Variants in NKAIN2 observed in about 807,000 individuals in gnomAD.
The protein encoded by NKAIN2 is sodium/potassium transporting ATPase interacting 2.
Under a neutral mutation model 32.6 loss-of-function variants are expected in NKAIN2, and 14 were observed. The ratio of observed to expected loss-of-function variants is 0.43; its 90% CI spans 0.28 to 0.67. The LOEUF is 0.67. Ranked by LOEUF, NKAIN2 falls within the 30% of genes least tolerant of loss-of-function variation. The pLI is 0.17. For missense variants in NKAIN2, 198 were observed against 258.3 expected (o/e 0.77, Z 1.60); for synonymous variants, 80 against 87.2 (o/e 0.92, Z 0.46).
intron 1 of NKAIN2, among the ~76,000 whole-genome samples, chr6:124,108,595 T>C (rs1785226929): frequency 6.6e-6 from 1 of 152,064 alleles, no homozygotes; most frequent in African/African-American, 2.4e-5. Context: ...TTTGGTGTCA[T>C]ATCCAATAAC....
intron 1 of NKAIN2, among the ~76,000 whole-genome samples, chr6:124,050,416 C>T (rs1439999937): frequency 6.6e-6 from 1 of 151,990 alleles, no homozygotes; most frequent in Admixed American, 6.6e-5. Flanking sequence ...TCACATCCTT[C>T]AGTTGTATAA....
chr6:124,187,594 A>G (rs553280177), intron 1 of NKAIN2, among the ~76,000 whole-genome samples: 2 of 152,252 alleles, frequency 1.3e-5, no homozygotes, highest in African/African-American at 4.8e-5. Flanking sequence ...TTTTAACACC[A>G]TTCTCAACTG....
At chr6:124,284,053 A>C (rs545445669) in intron 2 of NKAIN2, among the ~76,000 whole-genome samples, 1 of 54,216 alleles carries the variant, frequency 1.8e-5, no homozygotes, top group Non-Finnish European at 3.2e-5. Flanking sequence ...ACCCAGATAA[A>C]GCTCATTGGT....
chr6:124,009,483 G>A (rs927042563), intron 1 of NKAIN2, among the ~76,000 whole-genome samples: 5 of 152,122 alleles, frequency 3.3e-5, no homozygotes, highest in South Asian at 2.1e-4. Flanking sequence ...ATAATGCTGG[G>A]TGGCGGCTTA....
chr6:123,937,570 C>T (rs116855744), intron 1 of NKAIN2, among the ~76,000 whole-genome samples: 53 of 152,208 alleles, frequency 3.5e-4, no homozygotes, highest in East Asian at 1.7e-3. Flanking sequence ...TCATTACTTA[C>T]GGATCAATAA....
intron 3 of NKAIN2, among the ~76,000 whole-genome samples, chr6:124,493,712 C>A (rs34442214): frequency 3.9e-5 from 5 of 129,660 alleles, no homozygotes; most frequent in African/African-American, 9.3e-5. Context: ...ACCAACCCCC[C>A]CCTCCAAAAA....
intron 1 of NKAIN2, among the ~76,000 whole-genome samples, chr6:123,878,151 G>A (rs544137400): frequency 2.0e-5 from 3 of 152,142 alleles, no homozygotes; most frequent in Admixed American, 1.3e-4. Context: ...GCTTGAACCC[G>A]GGAGGCGGAG....
chr6:123,815,314 A>G (rs6923597), intron 1 of NKAIN2, among the ~76,000 whole-genome samples: 43 of 152,130 alleles, frequency 2.8e-4, no homozygotes, highest in African/African-American at 1.0e-3. Context: ...AATAAGATCA[A>G]TTTTGGTGAG....
intron 2 of NKAIN2, among the ~76,000 whole-genome samples, chr6:124,307,000 C>G (rs573647897): frequency 6.6e-6 from 1 of 152,088 alleles, no homozygotes; most frequent in Admixed American, 6.5e-5. Context: ...TAACAAGTGT[C>G]AAGAGTTTTA....
At chr6:124,120,382 T>C (rs1785822239) in intron 1 of NKAIN2, among the ~76,000 whole-genome samples, 1 of 152,138 alleles carries the variant, frequency 6.6e-6, no homozygotes, top group Admixed American at 6.6e-5. Flanking sequence ...CTTTATAACA[T>C]TAGTGGATAA....
intron 4 of NKAIN2, among the ~76,000 whole-genome samples, chr6:124,746,121 T>C (rs1777441336): frequency 6.6e-6 from 1 of 152,008 alleles, no homozygotes; most frequent in East Asian, 1.9e-4. Context: ...ACCCCTGCTT[T>C]TGATGACAGG....
At chr6:123,894,923 C>A (rs920409331) in intron 1 of NKAIN2, among the ~76,000 whole-genome samples, 1 of 152,020 alleles carries the variant, frequency 6.6e-6, no homozygotes, top group African/African-American at 2.4e-5. Context: ...AAGAAAAGAT[C>A]CTCTCAAGTT....
intron 3 of NKAIN2, among the ~76,000 whole-genome samples, chr6:124,557,485 T>C (rs2114882494): frequency 6.6e-6 from 1 of 152,124 alleles, no homozygotes; most frequent in Non-Finnish European, 1.5e-5. Context: ...CTTTGCTGAT[T>C]AAGGAAAACA....
At position 124,417,166 on chromosome 6, in the gene NKAIN2, A is replaced by G. The variant is rs76245277; in HGVS notation, c.273+61819A>G. ...GAGGACAGCTGTTAAATGATTTGAC[A>G]AAGATTTTAAAATATCCATGACAAA... On this transcript the variant is annotated intron_variant, in intron 3 of 6. Transcript: ENST00000368417. 3.4e-3 allele frequency among the ~76,000 whole-genome samples: 524 copies of G among 152,364 alleles called. 2 individuals are homozygous for G. The highest frequency in any genetic ancestry group is 0.012 in the African/African-American group (500 of 41,590).
intron 3 of NKAIN2, among the ~76,000 whole-genome samples, chr6:124,405,470 T>C (rs1177786216): frequency 1.3e-5 from 2 of 152,094 alleles, no homozygotes; most frequent in African/African-American, 2.4e-5. Flanking sequence ...AGCTTCTCTG[T>C]TGGTGATATT....
intron 3 of NKAIN2, among the ~76,000 whole-genome samples, chr6:124,373,446 T>A (rs1419876535): frequency 6.6e-6 from 1 of 152,166 alleles, no homozygotes; most frequent in East Asian, 1.9e-4. Flanking sequence ...GTGTAGGGTG[T>A]GTCAGTCTTT....
intron 3 of NKAIN2, among the ~76,000 whole-genome samples, chr6:124,647,642 G>A (rs1269927739): frequency 6.6e-6 from 1 of 150,904 alleles, no homozygotes; most frequent in African/African-American, 2.4e-5. Context: ...TTTAAAAACA[G>A]ATGCAAAATA....
chr6:124,082,774 A>G (rs989751612), intron 1 of NKAIN2, among the ~76,000 whole-genome samples: 3 of 152,074 alleles, frequency 2.0e-5, no homozygotes, highest in Admixed American at 2.0e-4. Flanking sequence ...GTATCCAAAT[A>G]GGATTTTACA....
intron 4 of NKAIN2, among the ~76,000 whole-genome samples, chr6:124,722,733 C>T (rs1776084532): frequency 6.6e-6 from 1 of 152,170 alleles, no homozygotes; most frequent in South Asian, 2.1e-4. Context: ...AAAGGGGGAC[C>T]CCTGGCTTAA....
Sources: allele counts gnomAD v4.1 joint callset (sites outside exome capture counted in the v4.1 genomes callset), GRCh38; gene constraint gnomAD v4.1.1; transcripts MANE v1.5; gene names NCBI Gene and HGNC (gene_info 2026-07-23, HGNC 2026-07-21).